Variants in SPTLC3 observed in about 807,000 individuals in gnomAD.
SPTLC3 encodes the protein serine palmitoyltransferase 3.
In SPTLC3, 36 loss-of-function variants were observed where a neutral mutation model predicts 59.3. That is an observed-to-expected ratio of 0.61 (90% confidence interval 0.47 to 0.80). SPTLC3 has a LOEUF of 0.80. SPTLC3 is among the 30% of genes least tolerant of loss of function. SPTLC3 has a pLI of 0.00. For missense variants in SPTLC3, 625 were observed against 685.1 expected (o/e 0.91, Z 0.98); for synonymous variants, 257 against 240.8 (o/e 1.07, Z -0.62).
chr20:13,147,967 GCTCACAAA>G (rs2038554116), intron 9 of SPTLC3, among the ~76,000 whole-genome samples: 1 of 152,178 alleles, frequency 6.6e-6, no homozygotes, highest in South Asian at 2.1e-4. Context: ...AATGGTATTG[GCTCACAAA>G]CTCACAAACT....
At chr20:13,032,337 G>A (rs965488364) in intron 1 of SPTLC3, among the ~76,000 whole-genome samples, 1 of 152,172 alleles carries the variant, frequency 6.6e-6, no homozygotes, top group African/African-American at 2.4e-5. Flanking sequence ...GTGGGGTCCA[G>A]TTTACAAATA....
intron 3 of SPTLC3, 31 bp downstream of exon 3, chr20:13,072,441 A>G (rs1404926159): frequency 2.0e-6 from 3 of 1,527,958 alleles, no homozygotes; most frequent in Non-Finnish European, 2.6e-6. Flanking sequence ...GGATTGGTGA[A>G]AAGAAAAACC....
At chr20:13,054,387 T>C (rs973119306) in intron 2 of SPTLC3, among the ~76,000 whole-genome samples, 2 of 151,982 alleles carry the variant, frequency 1.3e-5, no homozygotes, top group South Asian at 4.1e-4. Context: ...CTGTGAGAAA[T>C]GGATTGCAGA....
At chr20:13,084,353 G>A (rs942215576) in intron 4 of SPTLC3, among the ~76,000 whole-genome samples, 1 of 152,174 alleles carries the variant, frequency 6.6e-6, no homozygotes, top group Admixed American at 6.5e-5. Flanking sequence ...ACATACAGAT[G>A]CTTAGCATCC....
At chr20:13,147,718 G>C (rs2038547941) in intron 9 of SPTLC3, among the ~76,000 whole-genome samples, 1 of 152,134 alleles carries the variant, frequency 6.6e-6, no homozygotes, top group Non-Finnish European at 1.5e-5. Flanking sequence ...CATCTCTAAA[G>C]ACAAGGACCT....
rs547855920 is a variant in SPTLC3, at chr20:13,168,017, T to C, written c.*3150T>C. 1 of 152,228 alleles carries C rather than the reference T, an allele frequency of 6.6e-6. No homozygotes were observed. Among genetic ancestry groups the C allele is most frequent in the African/African-American group, 2.4e-5 (1 of 41,458 alleles). The allele number at this position is 152,228 out of a possible 1,614,324, so 9.4% of individuals were successfully genotyped here. A position where few individuals can be genotyped will look rare whatever the true frequency, so the allele number is the denominator to read the frequency against. ...ACCTTCTCTTCTCATTGGGACATTTTGTTCCCATTTTCCAAGTAACTTCTC... is the reference window on the plus strand; with the variant it reads ...ACCTTCTCTTCTCATTGGGACATTTCGTTCCCATTTTCCAAGTAACTTCTC... On this transcript the variant is annotated 3_prime_UTR_variant, in exon 12 of 12. Transcript: ENST00000399002.
chr20:13,041,399 T>A (rs1317812016), intron 1 of SPTLC3, among the ~76,000 whole-genome samples: 1 of 152,166 alleles, frequency 6.6e-6, no homozygotes, highest in Admixed American at 6.5e-5. Flanking sequence ...TCTAGTAAGT[T>A]TTTGTTTCTG....
intron 9 of SPTLC3, among the ~76,000 whole-genome samples, chr20:13,133,342 C>A (rs963153272): frequency 6.6e-6 from 1 of 151,848 alleles, no homozygotes; most frequent in African/African-American, 2.4e-5. Context: ...CAGGGACCAG[C>A]CTTTGAGAAT....
chr20:13,079,751 G>A (rs1568592110), intron 4 of SPTLC3: 1 of 470,376 alleles, frequency 2.1e-6, no homozygotes, highest in Admixed American at 2.4e-5. Flanking sequence ...TTTTCCAGGT[G>A]AATTCACCTC....
chr20:13,074,111 G>C, intron 3 of SPTLC3: 1 of 687,260 alleles, frequency 1.5e-6, no homozygotes, highest in Admixed American at 1.9e-5. Flanking sequence ...AGCTTCCAGG[G>C]ACTAAAGTGC....
At chr20:13,161,836 A>G (rs1193226335) in intron 11 of SPTLC3, among the ~76,000 whole-genome samples, 1 of 152,164 alleles carries the variant, frequency 6.6e-6, no homozygotes, top group African/African-American at 2.4e-5. Context: ...ACACACACGC[A>G]CACACACACA....
At chr20:13,117,773 G>C in intron 8 of SPTLC3, 48 bp downstream of exon 8, 1 of 1,519,644 alleles carries the variant, frequency 6.6e-7, no homozygotes. Context: ...GCGCCCTGGG[G>C]ATGCCGTGTG....
At chr20:13,109,814 G>A (rs895666446) in intron 6 of SPTLC3, among the ~76,000 whole-genome samples, 5 of 152,270 alleles carry the variant, frequency 3.3e-5, no homozygotes, top group South Asian at 2.1e-4. Context: ...TGCATTTAAC[G>A]TAGAATTTCA....
At chr20:13,111,054 C>A (rs757826330) in intron 7 of SPTLC3, among the ~76,000 whole-genome samples, 1 of 151,662 alleles carries the variant, frequency 6.6e-6, no homozygotes, top group Non-Finnish European at 1.5e-5. Flanking sequence ...AGAAGTGTGC[C>A]TTTATTCCTT....
At chr20:13,089,753 T>C (rs1484625278) in intron 4 of SPTLC3, among the ~76,000 whole-genome samples, 2 of 140,402 alleles carry the variant, frequency 1.4e-5, no homozygotes, top group Non-Finnish European at 3.0e-5. Context: ...ACTACTGCAT[T>C]CCAGCCTGGA....
At chr20:13,044,995 C>CCA (rs5840546) in intron 1 of SPTLC3, among the ~76,000 whole-genome samples, 8,095 of 141,294 alleles carry the variant, frequency 0.057, 235 homozygotes, top group Admixed American at 0.076. Flanking sequence ...TGTGTCCCCA[C>CCA]CACACACACA....
At chr20:13,052,118 C>T (rs1987518543) in intron 2 of SPTLC3, among the ~76,000 whole-genome samples, 1 of 152,108 alleles carries the variant, frequency 6.6e-6, no homozygotes, top group Non-Finnish European at 1.5e-5. Flanking sequence ...CTCTGCAGCT[C>T]CCAGCAAGAT....
chr20:13,152,282 G>T (rs2122950983), intron 9 of SPTLC3, among the ~76,000 whole-genome samples: 1 of 152,310 alleles, frequency 6.6e-6, no homozygotes, highest in Middle Eastern at 3.4e-3. Context: ...GCTTATAACA[G>T]TGGTGACATT....
chr20:13,151,151 C>G (rs113301122), intron 9 of SPTLC3, among the ~76,000 whole-genome samples: 1 of 152,174 alleles, frequency 6.6e-6, no homozygotes, highest in Non-Finnish European at 1.5e-5. Flanking sequence ...TTCTACCAAC[C>G]AATGGCTTAC....
Sources: gnomAD v4.1 joint callset for allele counts (sites outside exome capture counted in the v4.1 genomes callset) on GRCh38, gnomAD v4.1.1 for gene constraint, MANE v1.5 for transcripts, NCBI Gene and HGNC (gene_info 2026-07-23, HGNC 2026-07-21) for gene names.